The following GPATCH1 variants were observed in gnomAD, a reference collection of about 807,000 sequenced individuals.
The protein encoded by GPATCH1 is G patch domain-containing protein 1.
In GPATCH1, 73 loss-of-function variants were observed where a neutral mutation model predicts 114.9. The ratio of observed to expected loss-of-function variants is 0.64; its 90% confidence interval spans 0.53 to 0.77. The LOEUF is 0.77. Among genes scored for constraint, GPATCH1 ranks in the 30% least tolerant of loss-of-function variants. The pLI is 0.00. For missense variants in GPATCH1, 1,058 were observed against 1,144.3 expected (o/e 0.92, Z 1.09); for synonymous variants, 391 against 428.4 (o/e 0.91, Z 1.08).
In GPATCH1 at chr19:33,101,514, G is replaced by A. The variant is rs1972726120; in HGVS notation, c.1020G>A (p.Arg340=). ...KNQKESEKDL[R]YVGKILDGFS... is the part of the protein sequence containing the mutation. Reference sequence around the variant, plus strand: ...TTGTAGAATCAGAGAAAGACCTTCGGTACGTTGGCAAAATTTTGGATGGAT... The same window carrying A: ...TTGTAGAATCAGAGAAAGACCTTCGATACGTTGGCAAAATTTTGGATGGAT... The change falls in exon 9 of 20, where the codon CGG becomes CGA. Residue 340 remains arginine (R), a synonymous_variant. Coordinates refer to ENST00000170564, the MANE Select transcript of GPATCH1 (RefSeq NM_018025.3). 1 of 1,594,902 alleles carries A rather than the reference G, an allele frequency of 6.3e-7. No individual in the cohort carries two copies. Among genetic ancestry groups the A allele is most frequent in the South Asian group, 1.1e-5 (1 of 90,524 alleles).
chr19:33,113,670 A>T, intron 13 of GPATCH1, 97 bp from the exon 14 acceptor site: 2 of 1,014,960 alleles, frequency 2.0e-6, no homozygotes, highest in South Asian at 3.0e-5. Flanking sequence ...CTTTTTAGTC[A>T]TGCAGAAGAG....
intron 1 of GPATCH1, among the ~76,000 whole-genome samples, chr19:33,083,396 G>GTT (rs763617937): frequency 1.1e-4 from 15 of 138,596 alleles, no homozygotes; most frequent in Admixed American, 1.5e-4. Context: ...CCATGTTTTT[G>GTT]TTTTTTTTTT....
chr19:33,113,920 C>A lies in GPATCH1; in HGVS notation c.2029+17C>A. On this transcript the variant is annotated intron_variant, in intron 14 of 19. Coordinates refer to ENST00000170564, the MANE Select transcript of GPATCH1 (RefSeq NM_018025.3). ...GTCCCGACAGTGAGTAGGGCGTCCC[C>A]GGGGTCTCTGATTGACCAGGGCCTC... 1 of 1,611,954 alleles carries A rather than the reference C, an allele frequency of 6.2e-7. No homozygotes were observed. The highest frequency in any genetic ancestry group is 1.3e-5 in the African/African-American group (1 of 74,966).
intron 3 of GPATCH1, among the ~76,000 whole-genome samples, chr19:33,091,952 C>T (rs1248700835): frequency 6.6e-6 from 1 of 151,866 alleles, no homozygotes; most frequent in Non-Finnish European, 1.5e-5. Flanking sequence ...CCTTATACTA[C>T]CTCTCCTCAT....
chr19:33,092,239 C>T (rs1010743332), intron 3 of GPATCH1, among the ~76,000 whole-genome samples: 10 of 151,936 alleles, frequency 6.6e-5, no homozygotes, highest in East Asian at 1.9e-4. Flanking sequence ...TTAGTAGAGA[C>T]GGGGTTTCAC....
At chr19:33,126,793 T>G (rs1469384890) in intron 19 of GPATCH1, 60 bp downstream of exon 19, 2 of 1,385,406 alleles carry the variant, frequency 1.4e-6, no homozygotes. Context: ...GAGTGCTTGA[T>G]GTGTTTGCTT....
chr19:33,090,593 A>C (rs1463058497), intron 2 of GPATCH1, among the ~76,000 whole-genome samples, 187 bp from the exon 3 acceptor site: 1 of 152,176 alleles, frequency 6.6e-6, no homozygotes, highest in Non-Finnish European at 1.5e-5. Flanking sequence ...TAAGTTTTAC[A>C]TCAGGGGATA....
Position 33,114,348 on chromosome 19 carries a change from C to A in GPATCH1, c.2125C>A (p.Pro709Thr). The A allele has an allele frequency of 2.5e-6, 4 of 1,613,204 alleles. No homozygotes were observed. The highest frequency in any genetic ancestry group is 3.4e-6 in the Non-Finnish European group (4 of 1,179,430). Reference protein sequence around the residue: ...FLSLARSKAEPPKQQSSPLVN... With the variant: ...FLSLARSKAETPKQQSSPLVN... ...AAGTTTGGCTAGATCAAAAGCCGAG[C>A]CACCTAAACAACAGTCCAGCCCCTT... The change falls in exon 15 of 20, where the codon CCA (proline) becomes ACA (threonine). Residue 709 changes from proline (P) to threonine (T), a missense_variant. This residue lies in a region of GPATCH1 where 893 missense variants were observed against 977.4 expected (regional missense o/e 0.91). Transcript: ENST00000170564.
In GPATCH1 at chr19:33,114,409, C is replaced by T. The variant is rs771761974; in HGVS notation, c.2186C>T (p.Ser729Phe). 1.3e-5 allele frequency: 20 copies of T among 1,593,000 alleles called. No homozygotes were observed. The highest frequency in any genetic ancestry group is 1.9e-5 in the Admixed American group (1 of 52,410). Residue 729 changes from serine (S) to phenylalanine (F), a missense_variant, in exon 15 of 20, where the codon TCC becomes TTC. This residue lies in a region of GPATCH1 where 893 missense variants were observed against 977.4 expected (regional missense o/e 0.91). Transcript: ENST00000170564. ...NKEEEHAPEL[S>F]ANQTVNKDVD... Reference sequence around the variant, plus strand: ...GAGGAAGAGCATGCACCAGAATTATCCGCAAATCAGGTATTTGGGGCTTCC... The same window carrying T: ...GAGGAAGAGCATGCACCAGAATTATTCGCAAATCAGGTATTTGGGGCTTCC...
At chr19:33,081,992 GC>G (rs1416924693) in intron 1 of GPATCH1, among the ~76,000 whole-genome samples, 2 of 146,344 alleles carry the variant, frequency 1.4e-5, no homozygotes, top group Non-Finnish European at 3.0e-5. Flanking sequence ...ACAGGCTTGA[GC>G]CACTGTGCTC....
At chr19:33,083,114 G>A (rs554323065) in intron 1 of GPATCH1, among the ~76,000 whole-genome samples, 12 of 150,872 alleles carry the variant, frequency 8.0e-5, no homozygotes, top group East Asian at 4.0e-4. Flanking sequence ...GGTGGGGGGG[G>A]GCTCATGTAG....
rs146131515 is a variant in GPATCH1, at chr19:33,124,479, A to T, written c.2522-626A>T. Among the ~76,000 whole-genome samples, 1,375 of 152,206 alleles carry T rather than the reference A, an allele frequency of 9.0e-3. 16 individuals are homozygous for T. The highest frequency in any genetic ancestry group is 0.032 in the African/African-American group (1,317 of 41,526). The stretch of plus-strand genomic sequence containing the variant: ...CATGAGCCACCGCTCCCAGCCCATT[A>T]TGTTGTTTTGATGGTAGTTTTTTCA... On this transcript the variant is annotated intron_variant, in intron 17 of 19. Coordinates refer to ENST00000170564, the MANE Select transcript of GPATCH1 (RefSeq NM_018025.3).
chr19:33,091,591 A>C (rs141968494), intron 3 of GPATCH1, among the ~76,000 whole-genome samples: 1 of 151,968 alleles, frequency 6.6e-6, no homozygotes, highest in East Asian at 1.9e-4. Flanking sequence ...GGATTCACCC[A>C]TGATAAAGAT....
chr19:33,115,561 C>G (rs1229612370), intron 15 of GPATCH1, among the ~76,000 whole-genome samples: 1 of 148,714 alleles, frequency 6.7e-6, no homozygotes, highest in South Asian at 2.1e-4. Flanking sequence ...ATGGCACTGT[C>G]TCGGCTCACC....
intron 1 of GPATCH1, among the ~76,000 whole-genome samples, chr19:33,084,496 TAAAAC>T (rs1568336227): frequency 1.3e-5 from 2 of 152,100 alleles, no homozygotes; most frequent in Non-Finnish European, 2.9e-5. Flanking sequence ...CTCTCACACT[TAAAAC>T]TAACCGTGGC....
At chr19:33,122,892 G>GT (rs1206658256) in intron 17 of GPATCH1, among the ~76,000 whole-genome samples, 1 of 151,036 alleles carries the variant, frequency 6.6e-6, no homozygotes, top group Non-Finnish European at 1.5e-5. Flanking sequence ...TAGAGAGATT[G>GT]TATCTCTTAA....
rs963886536 is a variant in GPATCH1, at chr19:33,100,961, TCA to T, written c.1001-533_1001-532del. On this transcript the variant is annotated intron_variant, in intron 8 of 19. Coordinates refer to ENST00000170564, the MANE Select transcript of GPATCH1 (RefSeq NM_018025.3). ...CTCCAGGTCAGAGGGCATTGGTCAT[TCA>T]GTTTCCTATGTCTGTGATCTTTATG... Among the ~76,000 whole-genome samples the T allele has an allele frequency of 4.1e-4, 63 of 152,276 alleles. 1 individual carries two copies. Among genetic ancestry groups the T allele is most frequent in the Non-Finnish European group, 3.2e-4 (22 of 68,016 alleles).
At chr19:33,095,398 A>G (rs1220004534) in intron 5 of GPATCH1, among the ~76,000 whole-genome samples, 1 of 150,528 alleles carries the variant, frequency 6.6e-6, no homozygotes, top group African/African-American at 2.5e-5. Flanking sequence ...AGTAGCTGGG[A>G]TTACAGGCTT....
chr19:33,124,045 G>C (rs1429182991), intron 17 of GPATCH1, among the ~76,000 whole-genome samples: 3 of 151,826 alleles, frequency 2.0e-5, no homozygotes, highest in African/African-American at 7.3e-5. Context: ...ATAGAGACAG[G>C]GTTTCACCGT....
Sources: allele counts gnomAD v4.1 joint callset (sites outside exome capture counted in the v4.1 genomes callset), GRCh38; gene constraint gnomAD v4.1.1; regional missense constraint gnomAD v4.1.1; transcripts MANE v1.5; gene names NCBI Gene and HGNC (gene_info 2026-07-23, HGNC 2026-07-21).